GABRB1: variants seen among roughly 807,000 people sequenced by gnomAD.
The protein encoded by GABRB1 is gamma-aminobutyric acid type A receptor subunit beta1.
Under a neutral mutation model 51.6 loss-of-function variants are expected in GABRB1, and 17 were observed. The ratio of observed to expected loss-of-function variants is 0.33; its 90% CI spans 0.23 to 0.49. GABRB1 has a LOEUF of 0.49. Ranked by LOEUF, GABRB1 falls within the 20% of genes least tolerant of loss-of-function variation. GABRB1 has a pLI of 0.99. For synonymous variants in GABRB1, 247 were observed against 218.9 expected, an observed-to-expected ratio of 1.13 and a Z score of -1.14; for missense variants, 410 against 600.6, an observed-to-expected ratio of 0.68 and a Z score of 3.32.
chr4:47,221,616 C>T (rs1370066087), intron 4 of GABRB1, among the ~76,000 whole-genome samples: 7 of 151,566 alleles, frequency 4.6e-5, no homozygotes, highest in Admixed American at 4.0e-4. Context: ...GGTAGTTATG[C>T]CGTATAAAGG....
chr4:47,334,273 A>T (rs1443225117), intron 5 of GABRB1, among the ~76,000 whole-genome samples: 2 of 152,168 alleles, frequency 1.3e-5, no homozygotes, highest in African/African-American at 4.8e-5. Flanking sequence ...AAAATTTTTT[A>T]AAAAGCCTGT....
chr4:47,231,121 G>A (rs1427459377), intron 4 of GABRB1, among the ~76,000 whole-genome samples: 1 of 152,160 alleles, frequency 6.6e-6, no homozygotes, highest in Non-Finnish European at 1.5e-5. Context: ...CCCTCCTAAA[G>A]CCACATTGGC....
intron 4 of GABRB1, among the ~76,000 whole-genome samples, chr4:47,168,438 T>A (rs373463612): frequency 6.6e-6 from 1 of 152,150 alleles, no homozygotes; most frequent in Non-Finnish European, 1.5e-5. Flanking sequence ...TTAGCCCCCC[T>A]TGTAAATTAT....
chr4:47,251,674 G>A (rs1247594412), intron 4 of GABRB1, among the ~76,000 whole-genome samples: 2 of 152,134 alleles, frequency 1.3e-5, no homozygotes, highest in African/African-American at 4.8e-5. Flanking sequence ...GAAATACAGG[G>A]GTACAGGAAG....
At chr4:47,262,900 G>T (rs1722497396) in intron 4 of GABRB1, among the ~76,000 whole-genome samples, 2 of 151,890 alleles carry the variant, frequency 1.3e-5, no homozygotes, top group Non-Finnish European at 2.9e-5. Context: ...GTAGGGACAT[G>T]GATGAAGCTG....
intron 4 of GABRB1, among the ~76,000 whole-genome samples, chr4:47,173,593 T>TA (rs898027703): frequency 1.3e-5 from 2 of 152,176 alleles, no homozygotes; most frequent in Admixed American, 1.3e-4. Flanking sequence ...TTCCAGATTT[T>TA]AAAAAATCAC....
chr4:47,260,728 C>T lies in GABRB1; in HGVS notation c.462-59399C>T, dbSNP rs187957592. On this transcript the variant is annotated intron_variant, in intron 4 of 8. Coordinates refer to ENST00000295454, the MANE Select transcript of GABRB1 (RefSeq NM_000812.4). ...GTCTGATGGGCTTCGATACCAAAGC[C>T]GGGCAGAGACACAACCAAAAAAGAG... 3.3e-3 allele frequency among the ~76,000 whole-genome samples: 495 copies of T among 152,154 alleles called. 1 individual carries two copies. Among genetic ancestry groups the T allele is most frequent in the Non-Finnish European group, 5.4e-3 (365 of 67,986 alleles).
At chr4:47,405,784 C>G (rs1386010159) in intron 7 of GABRB1, among the ~76,000 whole-genome samples, 1 of 152,122 alleles carries the variant, frequency 6.6e-6, no homozygotes, top group Non-Finnish European at 1.5e-5. Context: ...ATTCCAACTT[C>G]TTTTTCACTT....
chr4:47,116,634 G>C (rs969567031), intron 3 of GABRB1, among the ~76,000 whole-genome samples: 1 of 152,000 alleles, frequency 6.6e-6, no homozygotes, highest in East Asian at 1.9e-4. Context: ...TTTTTTCCTT[G>C]GGATTTCTGA....
In GABRB1 at chr4:47,299,124, A is replaced by G. The variant is rs1222231980; in HGVS notation, c.462-21003A>G. On this transcript the variant is annotated intron_variant, in intron 4 of 8. Coordinates refer to ENST00000295454, the MANE Select transcript of GABRB1 (RefSeq NM_000812.4). Reference sequence around the variant, plus strand: ...TAAAGATTTAAATGTTAGACCTAAAACCATAAAAACCCTAGAAGAAAACCT... The same window carrying G: ...TAAAGATTTAAATGTTAGACCTAAAGCCATAAAAACCCTAGAAGAAAACCT... Among the ~76,000 whole-genome samples, 7 of 152,094 alleles carry G rather than the reference A, an allele frequency of 4.6e-5. No homozygotes were observed. The East Asian group carries it at 1.2e-3, about 25-fold the overall frequency.
At position 47,212,136 on chromosome 4, in the gene GABRB1, G is replaced by A. The variant is rs554441302; in HGVS notation, c.461+50667G>A. ...GAGCTGTATAGAAAAGGTACCTGGC[G>A]TGAAATGTGGACTTTTAATATAAAG... On this transcript the variant is annotated intron_variant, in intron 4 of 8. Coordinates refer to ENST00000295454, the MANE Select transcript of GABRB1 (RefSeq NM_000812.4). 7.9e-4 allele frequency among the ~76,000 whole-genome samples: 120 copies of A among 152,186 alleles called. 1 individual carries two copies. Among genetic ancestry groups the A allele is most frequent in the Middle Eastern group, 6.8e-3 (2 of 294 alleles).
At chr4:47,050,663 C>A (rs899654561) in intron 3 of GABRB1, among the ~76,000 whole-genome samples, 1 of 152,078 alleles carries the variant, frequency 6.6e-6, no homozygotes, top group African/African-American at 2.4e-5. Context: ...GTGAGATAGC[C>A]TATTTTTTCC....
intron 5 of GABRB1, among the ~76,000 whole-genome samples, chr4:47,322,240 G>A (rs1231859021): frequency 6.6e-6 from 1 of 152,136 alleles, no homozygotes; most frequent in African/African-American, 2.4e-5. Context: ...TTAGCAAGAT[G>A]CAACTAGTTG....
At chr4:47,282,720 A>C (rs549646916) in intron 4 of GABRB1, among the ~76,000 whole-genome samples, 2 of 152,252 alleles carry the variant, frequency 1.3e-5, no homozygotes, top group Non-Finnish European at 2.9e-5. Context: ...TATTGAATCA[A>C]ATTTCTAAAA....
intron 1 of GABRB1, among the ~76,000 whole-genome samples, chr4:47,014,067 A>G (rs1724664381): frequency 6.6e-6 from 1 of 152,160 alleles, no homozygotes; most frequent in Non-Finnish European, 1.5e-5. Context: ...ATTTTTGTAT[A>G]TGCTACGAAG....
chr4:47,185,314 G>T (rs1040281995), intron 4 of GABRB1, among the ~76,000 whole-genome samples: 4 of 151,750 alleles, frequency 2.6e-5, no homozygotes, highest in Admixed American at 1.3e-4. Context: ...GGCTCTCCCA[G>T]AAAAAGGTGA....
upstream of GABRB1, among the ~76,000 whole-genome samples, chr4:47,030,996 C>G (rs756369370): frequency 6.6e-6 from 1 of 152,124 alleles, no homozygotes; most frequent in Non-Finnish European, 1.5e-5. Flanking sequence ...CCTACTCTGC[C>G]TCCTACAGAA....
chr4:47,306,738 C>CT (rs1466203271), intron 4 of GABRB1, among the ~76,000 whole-genome samples: 6 of 151,876 alleles, frequency 4.0e-5, no homozygotes, highest in Non-Finnish European at 7.4e-5. Context: ...AGCATCTCTT[C>CT]TTTTTTTTGT....
At chr4:47,270,605 G>T (rs113670431) in intron 4 of GABRB1, among the ~76,000 whole-genome samples, 2,944 of 152,278 alleles carry the variant, frequency 0.019, 38 homozygotes, top group Non-Finnish European at 0.029. Flanking sequence ...GCAAAGCTAG[G>T]ATCATGCCTT....
Sources: gnomAD v4.1 joint callset for allele counts (sites outside exome capture counted in the v4.1 genomes callset) on GRCh38, gnomAD v4.1.1 for gene constraint, MANE v1.5 for transcripts, NCBI Gene and HGNC (gene_info 2026-07-23, HGNC 2026-07-21) for gene names.